WDPCP: variants seen among roughly 807,000 people sequenced by gnomAD.
WDPCP encodes the protein WD repeat containing planar cell polarity effector, also known as WD repeat-containing and planar cell polarity effector protein fritz homolog.
A neutral mutation model predicts 93.1 loss-of-function variants in WDPCP; 71 were observed. That is an observed-to-expected ratio of 0.76 (90% CI 0.63 to 0.93). The LOEUF is 0.93. Among genes scored for constraint, WDPCP ranks in the 40% least tolerant of loss-of-function variants. The probability of loss-of-function intolerance (pLI) is 0.00; values close to 1 mark genes in which losing one functional copy is unlikely to be tolerated. For missense variants in WDPCP, 844 were observed against 887.4 expected (o/e 0.95, Z 0.62); for synonymous variants, 315 against 315.0 (o/e 1.00, Z 0.00).
chr2:63,799,364 T>C (rs1399536600), intron 2 of WDPCP, among the ~76,000 whole-genome samples: 3 of 152,186 alleles, frequency 2.0e-5, no homozygotes, highest in Admixed American at 1.3e-4. Context: ...TCAACTATTA[T>C]CAACTTATAA....
At chr2:63,625,085 A>G (rs185618274) in intron 3 of WDPCP, among the ~76,000 whole-genome samples, 2 of 152,202 alleles carry the variant, frequency 1.3e-5, no homozygotes, top group East Asian at 3.9e-4. Flanking sequence ...AACCACATGA[A>G]TATCTCAACA....
chr2:63,380,952 A>G (rs1160808771), intron 11 of WDPCP, among the ~76,000 whole-genome samples: 2 of 152,102 alleles, frequency 1.3e-5, no homozygotes, highest in African/African-American at 4.8e-5. Context: ...TTATTTTGGC[A>G]ATGTAATAAA....
chr2:63,347,744 C>T (rs916387087), intron 12 of WDPCP, among the ~76,000 whole-genome samples: 1 of 151,248 alleles, frequency 6.6e-6, no homozygotes, highest in African/African-American at 2.4e-5. Context: ...CCCCCGCCCC[C>T]GACTGGATAT....
chr2:63,423,187 T>G (rs1397930111), intron 9 of WDPCP, among the ~76,000 whole-genome samples: 1 of 152,200 alleles, frequency 6.6e-6, no homozygotes, highest in Non-Finnish European at 1.5e-5. Context: ...ATTTATTTTG[T>G]GTGGTTTTAT....
chr2:63,361,114 G>C (rs2104658798), intron 12 of WDPCP, among the ~76,000 whole-genome samples: 1 of 152,296 alleles, frequency 6.6e-6, no homozygotes, highest in Non-Finnish European at 1.5e-5. Flanking sequence ...GACCAGGTCA[G>C]AATTCATAGT....
chr2:63,243,597 C>T (rs1251641365), intron 14 of WDPCP, among the ~76,000 whole-genome samples: 1 of 151,928 alleles, frequency 6.6e-6, no homozygotes, highest in Non-Finnish European at 1.5e-5. Flanking sequence ...CAGCAAGCAT[C>T]AAAAAGGACA....
chr2:63,743,682 T>C (rs1669756749), intron 2 of WDPCP, among the ~76,000 whole-genome samples: 1 of 152,138 alleles, frequency 6.6e-6, no homozygotes, highest in African/African-American at 2.4e-5. Context: ...TTGAGCAACT[T>C]GATATCAAGT....
intron 6 of WDPCP, among the ~76,000 whole-genome samples, chr2:63,461,251 C>T (rs144755321): frequency 2.6e-5 from 4 of 152,078 alleles, no homozygotes; most frequent in Non-Finnish European, 5.9e-5. Context: ...GTGGGGCCTG[C>T]GGGGAGGTAT....
rs149604477 is a variant in WDPCP at position 63,746,056 on chromosome 2, T to C, written n.308+67566A>G. 2.0e-3 allele frequency among the ~76,000 whole-genome samples: 304 copies of C among 152,316 alleles called. 3 individuals carry two copies. Among genetic ancestry groups the C allele is most frequent in the African/African-American group, 6.9e-3 (285 of 41,582 alleles). ...TGAGTTTCTTCTTTTGTGAAATGTG[T>C]TGTGGGAAGTCAGGGACCCCAAACA... On this transcript the variant is annotated intron_variant and non_coding_transcript_variant, in intron 2 of 4. Transcript: ENST00000467687.
Position 63,658,751 on chromosome 2 carries a change from G to C in WDPCP, n.309-7913C>G, listed in dbSNP as rs1024006324. Reference sequence around the variant, plus strand: ...TGATTTATTGGGTTGCTGGATCCAAGTGTTTCTGGGAATCCCTGAGAAATG... The same window carrying C: ...TGATTTATTGGGTTGCTGGATCCAACTGTTTCTGGGAATCCCTGAGAAATG... On this transcript the variant is annotated intron_variant and non_coding_transcript_variant, in intron 2 of 4. Transcript: ENST00000467687. Among the ~76,000 whole-genome samples the C allele has an allele frequency of 2.0e-5, 3 of 152,194 alleles. No individual in the cohort carries two copies. The East Asian group carries it at 5.8e-4, about 29-fold the overall frequency.
At chr2:63,176,758 C>T (rs1414766822) in intron 14 of WDPCP, among the ~76,000 whole-genome samples, 1 of 151,960 alleles carries the variant, frequency 6.6e-6, no homozygotes, top group Non-Finnish European at 1.5e-5. Flanking sequence ...TGGATTAAGC[C>T]CCATTTGTAG....
chr2:63,587,808 T>G (rs1470664041), intron 1 of WDPCP, among the ~76,000 whole-genome samples: 2 of 152,248 alleles, frequency 1.3e-5, no homozygotes, highest in Non-Finnish European at 2.9e-5. Flanking sequence ...GGCATAACTT[T>G]AAGACTCAAG....
intron 3 of WDPCP, chr2:63,643,893 G>A (rs1710014235): frequency 1.9e-6 from 1 of 527,072 alleles, no homozygotes; most frequent in Admixed American, 2.0e-5. Flanking sequence ...GCATACTTAA[G>A]TCTGTTCCTT....
At position 63,605,301 on chromosome 2, in the gene WDPCP, G is replaced by A; in HGVS notation, n.488+45358C>T. 1 of 1,613,804 alleles carries A rather than the reference G, an allele frequency of 6.2e-7. No individual in the cohort carries two copies. The highest frequency in any genetic ancestry group is 8.5e-7 in the Non-Finnish European group (1 of 1,179,682). On this transcript the variant is annotated intron_variant and non_coding_transcript_variant, in intron 3 of 4. Coordinates refer to the WDPCP transcript ENST00000467687. The stretch of plus-strand genomic sequence containing the variant: ...CCAGACTGTGCAGCAGCGTGGCGCT[G>A]CTGTCATCAAGGCTCGAAAACTATC...
At chr2:63,509,924 T>C (rs1300884719) in intron 1 of WDPCP, among the ~76,000 whole-genome samples, 1 of 152,094 alleles carries the variant, frequency 6.6e-6, no homozygotes, top group Non-Finnish European at 1.5e-5. Flanking sequence ...AGTTCTGAAA[T>C]TGAGGCAGTA....
chr2:63,145,031 G>C (rs943142730), intron 17 of WDPCP, among the ~76,000 whole-genome samples: 2 of 152,230 alleles, frequency 1.3e-5, no homozygotes, highest in South Asian at 4.2e-4. Flanking sequence ...TTTCTCTTCT[G>C]GGTCTAGCTA....
intron 10 of WDPCP, among the ~76,000 whole-genome samples, chr2:63,388,344 G>A (rs937064041): frequency 2.6e-5 from 4 of 151,992 alleles, no homozygotes; most frequent in South Asian, 4.2e-4. Flanking sequence ...TAACAGAAAG[G>A]AATTGAACAT....
At chr2:63,454,077 C>T (rs1385616023) in intron 6 of WDPCP, among the ~76,000 whole-genome samples, 2 of 150,762 alleles carry the variant, frequency 1.3e-5, no homozygotes, top group African/African-American at 2.4e-5. Flanking sequence ...GCACGTTGTG[C>T]ACATGTACCC....
intron 2 of WDPCP, among the ~76,000 whole-genome samples, chr2:63,776,393 G>T (rs1233398208): frequency 6.6e-6 from 1 of 151,664 alleles, no homozygotes; most frequent in Non-Finnish European, 1.5e-5. Flanking sequence ...AGTGGCTCAT[G>T]TCTGTAATCC....
Sources: gnomAD v4.1 joint callset for allele counts (sites outside exome capture counted in the v4.1 genomes callset) on GRCh38, gnomAD v4.1.1 for gene constraint, MANE v1.5 for transcripts, NCBI Gene and HGNC (gene_info 2026-07-23, HGNC 2026-07-21) for gene names.